Variants in ARHGEF4 observed in about 807,000 individuals in gnomAD.
The protein encoded by ARHGEF4 is APC-stimulated guanine nucleotide exchange factor 1.
ARHGEF4 carries 119 observed loss-of-function variants against 162.0 expected under a neutral mutation model. The ratio of observed to expected loss-of-function variants is 0.73; its 90% CI spans 0.63 to 0.86. The LOEUF (loss-of-function observed/expected upper bound fraction) is 0.86. ARHGEF4 is among the 40% of genes least tolerant of loss of function. The pLI, the probability that ARHGEF4 is intolerant of heterozygous loss-of-function variation, is 0.00. For missense variants in ARHGEF4, 2,488 were observed against 2,456.0 expected, an observed-to-expected ratio of 1.01 and a Z score of -0.28; for synonymous variants, 1,014 against 979.9, an observed-to-expected ratio of 1.03 and a Z score of -0.65.
At chr2:130,990,003 T>C (rs1249774769) in intron 4 of ARHGEF4, among the ~76,000 whole-genome samples, 1 of 152,226 alleles carries the variant, frequency 6.6e-6, no homozygotes, top group Non-Finnish European at 1.5e-5. Flanking sequence ...ATGGTTATGA[T>C]GTAAGGCTGA....
At chr2:130,971,005 G>A (rs1685323849) in intron 4 of ARHGEF4, among the ~76,000 whole-genome samples, 1 of 152,076 alleles carries the variant, frequency 6.6e-6, no homozygotes, top group African/African-American at 2.4e-5. Context: ...GTCACAGAGA[G>A]TTTCTTTTAT....
At chr2:130,877,544 G>C (rs1292575356) in intron 1 of ARHGEF4, among the ~76,000 whole-genome samples, 3 of 152,116 alleles carry the variant, frequency 2.0e-5, no homozygotes, top group Non-Finnish European at 2.9e-5. Flanking sequence ...CAGCTGCTTG[G>C]GGGGCTGAGG....
intron 4 of ARHGEF4, among the ~76,000 whole-genome samples, chr2:131,024,061 G>C (rs1278163559): frequency 6.6e-6 from 1 of 152,194 alleles, no homozygotes; most frequent in African/African-American, 2.4e-5. Flanking sequence ...TGGCTGTGCA[G>C]ATCTGCACTG....
chr2:130,961,258 CT>C (rs905893416), intron 4 of ARHGEF4, among the ~76,000 whole-genome samples: 1 of 152,216 alleles, frequency 6.6e-6, no homozygotes, highest in African/African-American at 2.4e-5. Context: ...CACACCTGGT[CT>C]GCAGGGAGCA....
intron 4 of ARHGEF4, chr2:130,963,957 C>T (rs1402441585): frequency 1.0e-4 from 1 of 9,752 alleles, no homozygotes; most frequent in African/African-American, 1.9e-3. Flanking sequence ...GCTCGCGCGC[C>T]CCGTCCCCCG....
chr2:130,870,558 G>A (rs952392090), intron 1 of ARHGEF4, among the ~76,000 whole-genome samples: 4 of 152,194 alleles, frequency 2.6e-5, no homozygotes, highest in Non-Finnish European at 5.9e-5. Context: ...GACCTTCTCA[G>A]AACCATGCAC....
At chr2:130,973,549 T>C (rs1685498605) in intron 4 of ARHGEF4, among the ~76,000 whole-genome samples, 1 of 152,192 alleles carries the variant, frequency 6.6e-6, no homozygotes, top group African/African-American at 2.4e-5. Context: ...ATACTAGCAC[T>C]TCTTGCAAGT....
chr2:130,915,572 C>G lies in ARHGEF4; in HGVS notation c.1626C>G (p.Gly542=). 1 of 1,550,560 alleles carries G rather than the reference C, an allele frequency of 6.4e-7. No homozygotes were observed. The highest frequency in any genetic ancestry group is 8.7e-7 in the Non-Finnish European group (1 of 1,146,988). ...GTQVWSGDLM[G]CLEVSDSSDA... is the part of the protein sequence containing the mutation. Reference sequence around the variant, plus strand: ...AGGTGTGGAGTGGAGACTTGATGGGCTGCTTGGAAGTGAGTGACAGTTCAG... The same window carrying G: ...AGGTGTGGAGTGGAGACTTGATGGGGTGCTTGGAAGTGAGTGACAGTTCAG... Residue 542 remains glycine, a synonymous_variant, in exon 2 of 14, where the codon GGC becomes GGG. Coordinates refer to ENST00000409359, the MANE Select transcript of ARHGEF4 (RefSeq NM_001367493.1).
rs184505491 is a variant in ARHGEF4, at chr2:130,849,402, G to A, written c.39+12410G>A. Among the ~76,000 whole-genome samples the A allele has an allele frequency of 3.0e-3, 460 of 152,210 alleles. 2 individuals carry two copies. The highest frequency in any genetic ancestry group is 0.011 in the African/African-American group (442 of 41,540). The stretch of plus-strand genomic sequence containing the variant: ...GCCCTTAGAGACAACCTTGCCTGGG[G>A]CCCCAGTGCCCTGGCCTGTGAGGTG... On this transcript the variant is annotated intron_variant, in intron 1 of 13. Transcript: ENST00000409359.
chr2:130,959,067 G>A (rs1019251843), intron 4 of ARHGEF4, among the ~76,000 whole-genome samples: 4 of 151,334 alleles, frequency 2.6e-5, no homozygotes, highest in African/African-American at 7.3e-5. Flanking sequence ...TCAGCCTCCC[G>A]AGTAGCTGGG....
intron 2 of ARHGEF4, among the ~76,000 whole-genome samples, chr2:130,928,193 C>T (rs1431182993): frequency 2.0e-5 from 3 of 152,152 alleles, no homozygotes; most frequent in Non-Finnish European, 4.4e-5. Context: ...GGCTAGTGTG[C>T]TTTCCTATCA....
At chr2:130,849,821 T>G (rs573297808) in intron 1 of ARHGEF4, among the ~76,000 whole-genome samples, 14 of 152,122 alleles carry the variant, frequency 9.2e-5, no homozygotes, top group Non-Finnish European at 1.8e-4. Context: ...CACCTCAGCC[T>G]CCCAAAGTGC....
At chr2:130,973,271 G>T (rs541963359) in intron 4 of ARHGEF4, among the ~76,000 whole-genome samples, 1 of 152,276 alleles carries the variant, frequency 6.6e-6, no homozygotes, top group Admixed American at 6.5e-5. Context: ...GGCAGATCAC[G>T]TAAGGCCAGG....
At chr2:130,986,696 C>T (rs1358024023) in intron 4 of ARHGEF4, among the ~76,000 whole-genome samples, 2 of 152,172 alleles carry the variant, frequency 1.3e-5, no homozygotes, top group African/African-American at 2.4e-5. Flanking sequence ...AATGAAGAGT[C>T]GCCCTAAGCA....
At chr2:131,026,957 G>A (rs969526077) in intron 4 of ARHGEF4, among the ~76,000 whole-genome samples, 40 of 152,194 alleles carry the variant, frequency 2.6e-4, no homozygotes, top group African/African-American at 7.5e-4. Flanking sequence ...GCCACATTGC[G>A]TAAGCAATAC....
At chr2:131,044,249 A>C (rs1691054801) in intron 11 of ARHGEF4, 50 bp from the exon 12 acceptor site, 1 of 1,599,324 alleles carries the variant, frequency 6.3e-7, no homozygotes, top group Non-Finnish European at 8.5e-7. Flanking sequence ...CAGCCAGGAA[A>C]TGGTCAGGGG....
At chr2:130,837,720 G>C (rs1454520156) in intron 1 of ARHGEF4, 1 of 409,006 alleles carries the variant, frequency 2.4e-6, no homozygotes, top group South Asian at 1.7e-5. Context: ...GCGGGAGGGC[G>C]GTTGCGACGC....
chr2:130,917,790 G>A (rs1255110775), intron 2 of ARHGEF4, among the ~76,000 whole-genome samples: 1 of 151,654 alleles, frequency 6.6e-6, no homozygotes, highest in Non-Finnish European at 1.5e-5. Context: ...CCTGGGCACT[G>A]CCCATTTTCT....
intron 4 of ARHGEF4, among the ~76,000 whole-genome samples, chr2:130,991,927 G>A (rs1415980539): frequency 6.6e-6 from 1 of 152,252 alleles, no homozygotes; most frequent in African/African-American, 2.4e-5. Context: ...TGGGGACGTG[G>A]AGAATCTTTA....
Sources: allele counts gnomAD v4.1 joint callset (sites outside exome capture counted in the v4.1 genomes callset), GRCh38; gene constraint gnomAD v4.1.1; transcripts MANE v1.5; gene names NCBI Gene and HGNC (gene_info 2026-07-23, HGNC 2026-07-21).